VPS13D: variants seen among roughly 807,000 people sequenced by gnomAD.
The protein encoded by VPS13D is intermembrane lipid transfer protein VPS13D.
VPS13D carries 187 observed loss-of-function variants against 461.9 expected under a neutral mutation model. The ratio of observed to expected loss-of-function variants is 0.40; its 90% CI spans 0.36 to 0.46. VPS13D has a LOEUF of 0.46. Among genes scored for constraint, VPS13D ranks in the 20% least tolerant of loss-of-function variants. The pLI is 0.60. For synonymous variants in VPS13D, 1,951 were observed against 1,986.3 expected, an observed-to-expected ratio of 0.98 and a Z score of 0.47; for missense variants, 4,711 against 5,364.9, an observed-to-expected ratio of 0.88 and a Z score of 3.81.
In VPS13D at chr1:12,505,573, G is replaced by A. The variant is rs981751884; in HGVS notation, c.12795-1280G>A. ...GTGGCCAACTCTGTGGGGTGCTCAG[G>A]AAGACACGGGGCTGTGAGATATGGA... On this transcript the variant is annotated intron_variant, in intron 68 of 69. Transcript: ENST00000620676. This position sits in a 1 kb window ranked among gnomAD's most constrained non-coding sequence, Gnocchi z 4.2. Among the ~76,000 whole-genome samples the A allele has an allele frequency of 2.0e-5, 3 of 152,230 alleles. No homozygotes were observed. The highest frequency in any genetic ancestry group is 6.5e-5 in the Admixed American group (1 of 15,284).
intron 30 of VPS13D, among the ~76,000 whole-genome samples, chr1:12,314,875 A>G (rs1056912765): frequency 1.3e-5 from 2 of 152,244 alleles, no homozygotes; most frequent in Non-Finnish European, 2.9e-5. Context: ...TTGCTCTCCT[A>G]TTATCTAGCT....
intron 62 of VPS13D, chr1:12,402,542 A>G (rs1431035148): frequency 6.6e-6 from 1 of 152,190 alleles, no homozygotes; most frequent in African/African-American, 2.4e-5. Flanking sequence ...AATGCAAGAA[A>G]AATATTTTTG....
At chr1:12,405,579 G>A (rs745868778) in intron 63 of VPS13D, among the ~76,000 whole-genome samples, 16 of 152,140 alleles carry the variant, frequency 1.1e-4, no homozygotes, top group Non-Finnish European at 2.2e-4. Flanking sequence ...AGAGTGCAGC[G>A]TGCCCTTCAC....
Position 12,307,293 on chromosome 1 carries a change from C to G in VPS13D, c.6440-1138C>G, listed in dbSNP as rs531922861. On this transcript the variant is annotated intron_variant, in intron 26 of 69. Transcript: ENST00000620676. The stretch of plus-strand genomic sequence containing the variant: ...GGAAAAGACAGAAGAAGAGAGAAGA[C>G]TGAATTTAGATGAGAGGGGCGGGCC... Among the ~76,000 whole-genome samples, 26 of 152,092 alleles carry G rather than the reference C, an allele frequency of 1.7e-4. 1 individual carries two copies. In the South Asian group the frequency reaches 2.7e-3, roughly 16 times the overall value.
In VPS13D at chr1:12,273,046, C is replaced by T; in HGVS notation, c.2147C>T (p.Pro716Leu). The T allele has an allele frequency of 6.2e-7, 1 of 1,614,064 alleles. No homozygotes were observed. The change falls in exon 18 of 70, where the codon CCT (proline) becomes CTT (leucine). Residue 716 changes from proline to leucine, a missense_variant. Physicochemically the swap from Pro to Leu is moderately conservative, Grantham distance 98. Coordinates refer to ENST00000620676, the MANE Select transcript of VPS13D (RefSeq NM_015378.4). ...RWTVRLDISA[P>L]QVIFPDDFKF... ...ACCGTGCGGCTGGATATTTCTGCCC[C>T]TCAGGTGATATTTCCTGATGATTTC...
Position 12,473,820 on chromosome 1 carries a change from C to T in VPS13D, c.12662+13424C>T, listed in dbSNP as rs1006477381. 6.6e-6 allele frequency among the ~76,000 whole-genome samples: 1 copy of T among 152,164 alleles called. No individual in the cohort carries two copies. The highest frequency in any genetic ancestry group is 2.4e-5 in the African/African-American group (1 of 41,436). ...TGGCTGGGCTTTTGTCCTTCCCATT[C>T]TCTTTCTTCACACAAAATGAACAGT... On this transcript the variant is annotated intron_variant, in intron 67 of 69. Coordinates refer to ENST00000620676, the MANE Select transcript of VPS13D (RefSeq NM_015378.4). The surrounding 1 kb of genome is among the most constrained non-coding windows in gnomAD (Gnocchi z 4.2).
At chr1:12,492,529 T>C (rs1645896875) in intron 67 of VPS13D, among the ~76,000 whole-genome samples, 1 of 152,244 alleles carries the variant, frequency 6.6e-6, no homozygotes, top group South Asian at 2.1e-4. Context: ...TATAGATCGC[T>C]AGGGCCCCTT....
intron 60 of VPS13D, among the ~76,000 whole-genome samples, chr1:12,388,240 A>G (rs1483498556): frequency 6.6e-6 from 1 of 152,214 alleles, no homozygotes; most frequent in Non-Finnish European, 1.5e-5. Context: ...GCAACCACCA[A>G]AATAACAAAG....
At chr1:12,268,472 G>A (rs1569746034) in intron 15 of VPS13D, among the ~76,000 whole-genome samples, 1 of 151,966 alleles carries the variant, frequency 6.6e-6, no homozygotes, top group African/African-American at 2.4e-5. Flanking sequence ...AGGGTCTTCA[G>A]GTCCTTGGTT....
intron 65 of VPS13D, among the ~76,000 whole-genome samples, chr1:12,427,242 T>A (rs7520983): frequency 0.042 from 5,393 of 128,790 alleles, 311 homozygotes; most frequent in African/African-American, 0.13. Context: ...TTGTCATTAT[T>A]TTATTATTAT....
intron 19 of VPS13D, among the ~76,000 whole-genome samples, chr1:12,278,456 G>A (rs576204879): frequency 6.6e-6 from 1 of 152,192 alleles, no homozygotes; most frequent in Non-Finnish European, 1.5e-5. Context: ...TGTATTTTTA[G>A]TAGAGACAGG....
chr1:12,355,154 C>T (rs921133096), intron 47 of VPS13D, among the ~76,000 whole-genome samples: 6 of 152,106 alleles, frequency 3.9e-5, no homozygotes, highest in Non-Finnish European at 7.4e-5. Context: ...GAAGTGTGGC[C>T]CCTGGGATTG....
intron 19 of VPS13D, 39 bp downstream of exon 19, chr1:12,278,077 A>G (rs1360763171): frequency 6.4e-7 from 1 of 1,551,466 alleles, no homozygotes; most frequent in Non-Finnish European, 8.7e-7. Flanking sequence ...TTGTTTAATG[A>G]TTGAAAACCC....
chr1:12,257,829 A>G (rs1303119720), intron 9 of VPS13D, 106 bp from the exon 10 acceptor site: 1 of 1,347,612 alleles, frequency 7.4e-7, no homozygotes, highest in East Asian at 2.3e-5. Flanking sequence ...TGACAAGAGA[A>G]AAGATGTCTC....
At position 12,273,087 on chromosome 1, in the gene VPS13D, G is replaced by A. The variant is rs1344172382; in HGVS notation, c.2188G>A (p.Val730Met). The A allele has an allele frequency of 6.2e-7, 1 of 1,614,132 alleles. No individual in the cohort carries two copies. The highest frequency in any genetic ancestry group is 1.3e-5 in the African/African-American group (1 of 75,048). Residue 730 changes from valine (V) to methionine (M), a missense_variant, in exon 18 of 70, where the codon GTG becomes ATG. Val to Met is a conservative substitution (Grantham distance 21, BLOSUM62 1). Coordinates refer to ENST00000620676, the MANE Select transcript of VPS13D (RefSeq NM_015378.4). The stretch of plus-strand genomic sequence containing the variant: ...TGATGATTTCAAATTCAAGAATCCT[G>A]TGTTAGTTGTCGTGGATCTAGGAAG... ...FPDDFKFKNPVLVVVDLGRML... is the reference protein window; with the variant it reads ...FPDDFKFKNPMLVVVDLGRML...
chr1:12,436,881 T>A (rs1006271273), intron 65 of VPS13D, among the ~76,000 whole-genome samples: 20 of 152,196 alleles, frequency 1.3e-4, no homozygotes, highest in Admixed American at 4.6e-4. Context: ...TTGGTCAGGC[T>A]GGTCTCGAAC....
At chr1:12,411,317 G>C (rs1347188498) in intron 63 of VPS13D, among the ~76,000 whole-genome samples, 1 of 152,116 alleles carries the variant, frequency 6.6e-6, no homozygotes, top group Non-Finnish European at 1.5e-5. Flanking sequence ...TAATAACAGA[G>C]AAAAGAAAAA....
At chr1:12,323,815 T>A in intron 35 of VPS13D, 35 bp downstream of exon 35, 3 of 1,601,418 alleles carry the variant, frequency 1.9e-6, no homozygotes, top group Non-Finnish European at 2.6e-6. Context: ...CCGTTGTTTA[T>A]CTTGATGATA....
intron 65 of VPS13D, among the ~76,000 whole-genome samples, chr1:12,439,395 A>C (rs1033598502): frequency 2.6e-5 from 4 of 151,554 alleles, no homozygotes; most frequent in Non-Finnish European, 5.9e-5. Flanking sequence ...TCTTTATCCA[A>C]ATGTCACTTT....
Sources: allele counts gnomAD v4.1 joint callset (sites outside exome capture counted in the v4.1 genomes callset), GRCh38; gene constraint gnomAD v4.1.1; non-coding constraint Gnocchi (gnomAD v3.1); transcripts MANE v1.5; gene names NCBI Gene and HGNC (gene_info 2026-07-23, HGNC 2026-07-21).